The following GIN1 variants were observed in gnomAD, a reference collection of about 807,000 sequenced individuals.
The protein encoded by GIN1 is gypsy retrotransposon integrase 1.
GIN1 carries 41 observed loss-of-function variants against 51.4 expected under a neutral mutation model. That is an observed-to-expected ratio of 0.80 (90% CI 0.62 to 1.04). The LOEUF is 1.04. Ranked by LOEUF, GIN1 falls within the 50% of genes least tolerant of loss-of-function variation. GIN1 has a pLI of 0.00. For synonymous variants in GIN1, 222 were observed against 206.5 expected (o/e 1.07, Z -0.64); for missense variants, 610 against 612.4 (o/e 1.00, Z 0.04).
rs781921300 is a variant in GIN1 at position 103,104,706 on chromosome 5, A to G, written c.474T>C (p.His158=). 3 of 1,613,290 alleles carry G rather than the reference A, an allele frequency of 1.9e-6. No individual in the cohort carries two copies. The highest frequency in any genetic ancestry group is 3.3e-5 in the Admixed American group (2 of 60,016). Residue 158 remains histidine, a synonymous_variant, in exon 4 of 8, where the codon CAT becomes CAC. Transcript: ENST00000399004. ...AATCTGTCATGATTATAGCATATAC[A>G]TGACTTCTGTTGCTTGTATGAAAAG... ...MGPFHTSNRS[H]VYAIIMTDLF...
At chr5:103,111,241 T>C (rs1479993347) in intron 1 of GIN1, among the ~76,000 whole-genome samples, 1 of 152,116 alleles carries the variant, frequency 6.6e-6, no homozygotes, top group Non-Finnish European at 1.5e-5. Context: ...ATCTCTATAC[T>C]ACAATGATAA....
chr5:103,089,042 A>G (rs1385955537), intron 7 of GIN1, among the ~76,000 whole-genome samples: 1 of 152,210 alleles, frequency 6.6e-6, no homozygotes, highest in Non-Finnish European at 1.5e-5. Flanking sequence ...ATGTGTAAGA[A>G]GGCAGGCTGC....
chr5:103,092,494 A>G (rs1298893871), intron 7 of GIN1, among the ~76,000 whole-genome samples: 1 of 152,214 alleles, frequency 6.6e-6, no homozygotes, highest in African/African-American at 2.4e-5. Context: ...GACTAAACTA[A>G]TCCTATATAT....
Position 103,096,563 on chromosome 5 carries a change from G to A in GIN1, c.1272C>T (p.Tyr424=). The part of the protein sequence containing the change: ...RPIKMSHLKP[Y]IRESSEQESL... The stretch of plus-strand genomic sequence containing the variant: ...TACCTTGTTCACTGGATTCTCTTAT[G>A]TAGGGCTTAAGGTGGGACATTTTGA... Residue 424 remains tyrosine, a synonymous_variant, in exon 7 of 8, where the codon TAC becomes TAT. Transcript: ENST00000399004. 1 of 1,612,296 alleles carries A rather than the reference G, an allele frequency of 6.2e-7. No homozygotes were observed. Among genetic ancestry groups the A allele is most frequent in the South Asian group, 1.1e-5 (1 of 90,942 alleles).
chr5:103,117,744 C>T (rs1788082154), intron 1 of GIN1, among the ~76,000 whole-genome samples: 1 of 152,024 alleles, frequency 6.6e-6, no homozygotes, highest in Admixed American at 6.5e-5. Context: ...TATGATAATC[C>T]TCACAGTACT....
rs928992346 is a variant in GIN1 at position 103,086,130 on chromosome 5, T to G, written c.*1768A>C. The G allele has an allele frequency of 3.3e-5, 5 of 152,202 alleles. No individual in the cohort carries two copies. The highest frequency in any genetic ancestry group is 1.5e-5 in the Non-Finnish European group (1 of 68,030). 9.4% of individuals were successfully genotyped at this position (152,202 alleles called of 1,614,324 possible). On this transcript the variant is annotated 3_prime_UTR_variant, in exon 8 of 8. Coordinates refer to ENST00000399004, the MANE Select transcript of GIN1 (RefSeq NM_017676.2). ...ATGCCTCTCCCCTAACTTCTGGTAG[T>G]TTTCTGGCAATCTCTGTCATTTCTT...
chr5:103,097,182 TGATA>T lies in GIN1; in HGVS notation c.1008+128_1008+131del, dbSNP rs1787422564. 4.7e-6 allele frequency: 3 copies of T among 638,388 alleles called. No individual in the cohort carries two copies. The Admixed American group carries it at 1.0e-4, about 21-fold the overall frequency. The allele number at this position is 638,388 out of a possible 1,614,324, so 39.5% of individuals were successfully genotyped here. On this transcript the variant is annotated intron_variant, in intron 6 of 7. Transcript: ENST00000399004. ...CTATTTAATCAAGACAAGAAAAATC[TGATA>T]GATAAAAAATTATGGCAAGTAAGTA...
chr5:103,119,269 A>G (rs2149407128), intron 1 of GIN1, among the ~76,000 whole-genome samples: 2 of 152,350 alleles, frequency 1.3e-5, no homozygotes, highest in East Asian at 1.9e-4. Context: ...GCAATTTTCA[A>G]TCAACATGTT....
chr5:103,093,105 C>CTTAT (rs1554194718), intron 7 of GIN1, among the ~76,000 whole-genome samples: 2 of 151,990 alleles, frequency 1.3e-5, no homozygotes, highest in African/African-American at 4.8e-5. Context: ...GAATGCAGAC[C>CTTAT]ATAATTGTGG....
Position 103,096,581 on chromosome 5 carries a change from C to T in GIN1, c.1254G>A (p.Met418Ile). ...CTCTTATGTAGGGCTTAAGGTGGGA[C>T]ATTTTGATAGGTCTTTTCAGTCTAA... The part of the protein sequence containing the change: ...TGVRLKRPIK[M>I]SHLKPYIRES... Residue 418 changes from methionine (M) to isoleucine (I), a missense_variant, in exon 7 of 8, where the codon ATG becomes ATA. Met to Ile is a conservative substitution (Grantham distance 10, BLOSUM62 1). Transcript: ENST00000399004. 6.2e-7 allele frequency: 1 copy of T among 1,613,460 alleles called. No individual in the cohort carries two copies.
chr5:103,097,171 C>T lies in GIN1; in HGVS notation c.1008+143G>A, dbSNP rs75433174. On this transcript the variant is annotated intron_variant, in intron 6 of 7. Transcript: ENST00000399004. ...TAGTAAACCAACTATTTAATCAAGA[C>T]AAGAAAAATCTGATAGATAAAAAAT... is the stretch of plus-strand genomic sequence containing the variant. 2,126 of 624,026 alleles carry T rather than the reference C, an allele frequency of 3.4e-3. 19 individuals carry two copies. The highest frequency in any genetic ancestry group is 0.013 in the African/African-American group (699 of 53,474). 38.7% of individuals were successfully genotyped at this position (624,026 alleles called of 1,614,324 possible). A position where few individuals can be genotyped will look rare whatever the true frequency, so the allele number is the denominator to read the frequency against.
chr5:103,102,459 TTTC>T (rs1450768575), intron 4 of GIN1: 1 of 152,190 alleles, frequency 6.6e-6, no homozygotes, highest in Non-Finnish European at 1.5e-5. Context: ...ACAGAACTGT[TTTC>T]TTCATCGAAT....
At chr5:103,097,269 T>C in intron 6 of GIN1, 45 bp downstream of exon 6, 1 of 1,183,808 alleles carries the variant, frequency 8.4e-7, no homozygotes, top group Non-Finnish European at 1.2e-6. Context: ...TAAATATAAC[T>C]TTTATAAAGT....
At chr5:103,118,169 G>A (rs1788097247) in intron 1 of GIN1, among the ~76,000 whole-genome samples, 1 of 151,530 alleles carries the variant, frequency 6.6e-6, no homozygotes, top group African/African-American at 2.4e-5. Flanking sequence ...ATATTCCAGA[G>A]GTAAATTATT....
intron 4 of GIN1, among the ~76,000 whole-genome samples, chr5:103,103,958 T>C (rs1474551921): frequency 1.3e-5 from 2 of 151,742 alleles, no homozygotes; most frequent in Non-Finnish European, 2.9e-5. Flanking sequence ...CCTGGCTAAT[T>C]TTTTTTTCTT....
Position 103,086,753 on chromosome 5 carries a change from C to T in GIN1, c.*1145G>A, listed in dbSNP as rs1328417719. ...CTTAACTTGTGCTGTACATGGCTTA[C>T]ATAGTTTATTACCTACCAGACAGTA... is the stretch of plus-strand genomic sequence containing the variant. On this transcript the variant is annotated 3_prime_UTR_variant, in exon 8 of 8. Coordinates refer to ENST00000399004, the MANE Select transcript of GIN1 (RefSeq NM_017676.2). The T allele has an allele frequency of 2.0e-5, 3 of 152,228 alleles. No homozygotes were observed. Among genetic ancestry groups the T allele is most frequent in the African/African-American group, 7.2e-5 (3 of 41,458 alleles). 9.4% of individuals were successfully genotyped at this position (152,228 alleles called of 1,614,324 possible). A position where few individuals can be genotyped will look rare whatever the true frequency, so the allele number is the denominator to read the frequency against.
chr5:103,109,675 G>A (rs782276901), intron 1 of GIN1, among the ~76,000 whole-genome samples: 1 of 152,106 alleles, frequency 6.6e-6, no homozygotes, highest in African/African-American at 2.4e-5. Flanking sequence ...TCTCTATAAA[G>A]TATTATAAGA....
intron 1 of GIN1, among the ~76,000 whole-genome samples, chr5:103,112,902 A>T (rs1787926362): frequency 6.6e-6 from 1 of 152,190 alleles, no homozygotes; most frequent in Non-Finnish European, 1.5e-5. Context: ...CACGGAGCTT[A>T]TGGTATAAAT....
In GIN1 at chr5:103,087,681, G is replaced by C. The variant is rs1787113054; in HGVS notation, c.*217C>G. The C allele has an allele frequency of 6.3e-6, 2 of 318,620 alleles. No homozygotes were observed. The highest frequency in any genetic ancestry group is 1.5e-4 in the South Asian group (1 of 6,752). 19.7% of individuals were successfully genotyped at this position (318,620 alleles called of 1,614,324 possible). The stretch of plus-strand genomic sequence containing the variant: ...GCCTGTTCTCTTTTTAGAAGAAAAA[G>C]TGAATTCTATATATTACATGCTTCC... On this transcript the variant is annotated 3_prime_UTR_variant, in exon 8 of 8. Transcript: ENST00000399004.
Sources: allele counts gnomAD v4.1 joint callset (sites outside exome capture counted in the v4.1 genomes callset), GRCh38; gene constraint gnomAD v4.1.1; transcripts MANE v1.5; gene names NCBI Gene and HGNC (gene_info 2026-07-23, HGNC 2026-07-21).